Variants in USP39 observed in about 807,000 individuals in gnomAD.
USP39 encodes the protein ubiquitin specific peptidase 39, also known as ubiquitin carboxyl-terminal hydrolase 39.
A neutral mutation model predicts 66.4 loss-of-function variants in USP39; 38 were observed. The observed-to-expected ratio is 0.57, with a 90% confidence interval of 0.44 to 0.75. USP39 has a LOEUF of 0.75. USP39 is among the 30% of genes least tolerant of loss of function. The pLI is 0.00. For missense variants in USP39, 608 were observed against 714.4 expected, an observed-to-expected ratio of 0.85 and a Z score of 1.70; for synonymous variants, 303 against 274.6, an observed-to-expected ratio of 1.10 and a Z score of -1.02.
At chr2:85,625,712 T>C in intron 5 of USP39, 21 bp downstream of exon 5, 1 of 1,606,106 alleles carries the variant, frequency 6.2e-7, no homozygotes, top group Non-Finnish European at 8.5e-7. Flanking sequence ...GACGGGAACA[T>C]TGAGGAAGAG....
At chr2:85,630,987 T>A (rs1308726594) in intron 6 of USP39, 41 bp downstream of exon 6, 2 of 1,579,794 alleles carry the variant, frequency 1.3e-6, no homozygotes, top group Admixed American at 1.8e-5. Context: ...ACAAAACTAG[T>A]TTGATGAACA....
chr2:85,620,837 A>G (rs1349889331), intron 2 of USP39, among the ~76,000 whole-genome samples: 3 of 152,180 alleles, frequency 2.0e-5, no homozygotes, highest in Non-Finnish European at 2.9e-5. Flanking sequence ...CTATTTGAGA[A>G]TAAATCTCTT....
At position 85,623,703 on chromosome 2, in the gene USP39, T is replaced by C; in HGVS notation, c.491T>C (p.Phe164Ser). Reference sequence around the variant, plus strand: ...AGTGTCCAGTTTAGCCACCATGTTTTCCTCAACCTCCACACCCTCAAGTTT... The same window carrying C: ...AGTGTCCAGTTTAGCCACCATGTTTCCCTCAACCTCCACACCCTCAAGTTT... ...IHSVQFSHHVFLNLHTLKFYC... is the reference protein window; with the variant it reads ...IHSVQFSHHVSLNLHTLKFYC... The change falls in exon 4 of 13, where the codon TTC (phenylalanine) becomes TCC (serine). Residue 164 changes from phenylalanine (F) to serine (S), a missense_variant. Physicochemically the swap from Phe to Ser is radical, Grantham distance 155. Around this residue, in one of 6 missense-constraint regions of USP39, gnomAD observed 115 missense variants for 198.6 expected, o/e 0.58. Coordinates refer to ENST00000323701, the MANE Select transcript of USP39 (RefSeq NM_006590.4). The C allele has an allele frequency of 6.2e-7, 1 of 1,614,084 alleles. No individual in the cohort carries two copies. The highest frequency in any genetic ancestry group is 1.1e-5 in the South Asian group (1 of 91,042).
upstream of USP39, chr2:85,609,457 A>C (rs1573373325): frequency 1.2e-6 from 2 of 1,613,954 alleles, no homozygotes; most frequent in Non-Finnish European, 1.7e-6. Context: ...AACTGATGTG[A>C]CCTCTCCACT....
rs186473103 is a variant in USP39 at position 85,641,754 on chromosome 2, A to T, written c.1427+636A>T. On this transcript the variant is annotated intron_variant, in intron 10 of 12. Coordinates refer to ENST00000323701, the MANE Select transcript of USP39 (RefSeq NM_006590.4). ...CCATCTCTACAAAAAAATACAAAAA[A>T]TTAGCCAGATGTGGTGGTGCACACC... Among the ~76,000 whole-genome samples the T allele has an allele frequency of 6.2e-3, 947 of 151,996 alleles. 14 individuals carry two copies. Among genetic ancestry groups the T allele is most frequent in the African/African-American group, 0.022 (896 of 41,424 alleles).
At chr2:85,636,586 C>T (rs1289391436) in intron 7 of USP39, among the ~76,000 whole-genome samples, 1 of 152,142 alleles carries the variant, frequency 6.6e-6, no homozygotes, top group African/African-American at 2.4e-5. Context: ...TCACTGTAGC[C>T]TCCATCTCCC....
At chr2:85,648,083 C>G in intron 12 of USP39, 67 bp downstream of exon 12, 1 of 1,551,496 alleles carries the variant, frequency 6.4e-7, no homozygotes, top group Non-Finnish European at 8.9e-7. Context: ...AGGAGTGGGC[C>G]AAGGCAGGAA....
chr2:85,616,220 T>A lies in USP39; in HGVS notation c.25T>A (p.Ser9Thr). 6.9e-7 allele frequency: 1 copy of A among 1,453,584 alleles called. No individual in the cohort carries two copies. Among genetic ancestry groups the A allele is most frequent in the South Asian group, 1.4e-5 (1 of 70,248 alleles). The allele number at this position is 1,453,584 out of a possible 1,614,324, so 90.0% of individuals were successfully genotyped here. MSGRSKRE[S>T]RGSTRGKRES... ...GATGTCCGGCCGGTCTAAGCGGGAG[T>A]CTCGCGGTTCCACTCGCGGGAAGCG... The change falls in exon 1 of 13, where the codon TCT becomes ACT. Residue 9 changes from serine (S) to threonine (T), a missense_variant. Coordinates refer to ENST00000323701, the MANE Select transcript of USP39 (RefSeq NM_006590.4).
At chr2:85,611,401 A>G, upstream of USP39, 1 of 1,490,510 alleles carries the variant, frequency 6.7e-7, no homozygotes, top group Admixed American at 2.4e-5. Context: ...CCTTACTAAA[A>G]TACAGCACGG....
upstream of USP39, chr2:85,612,169 G>C (rs1168362123): frequency 2.2e-6 from 2 of 910,596 alleles, no homozygotes; most frequent in East Asian, 2.6e-5. Context: ...GTCGGGTGGA[G>C]TAGGGTATGC....
chr2:85,612,081 C>T (rs562692517), upstream of USP39: 17 of 1,057,582 alleles, frequency 1.6e-5, no homozygotes, highest in South Asian at 2.5e-4. Flanking sequence ...AGCTTCCGGC[C>T]CCGCATCCTG....
upstream of USP39, chr2:85,609,020 A>G: frequency 6.2e-7 from 1 of 1,614,244 alleles, no homozygotes; most frequent in Non-Finnish European, 8.5e-7. Flanking sequence ...GTGGATCCAG[A>G]GGCGTGTGTG....
upstream of USP39, among the ~76,000 whole-genome samples, chr2:85,615,460 T>C (rs948569653): frequency 6.6e-6 from 1 of 152,160 alleles, no homozygotes; most frequent in Admixed American, 6.5e-5. Context: ...TTACCGGGCA[T>C]TTGCGTTTTC....
intron 11 of USP39, among the ~76,000 whole-genome samples, chr2:85,647,442 G>A (rs982082532): frequency 6.6e-6 from 1 of 151,978 alleles, no homozygotes; most frequent in African/African-American, 2.4e-5. Context: ...AGGCTGAGGC[G>A]GGAGGATCTT....
chr2:85,637,470 C>G (rs764104079), intron 8 of USP39, 34 bp downstream of exon 8: 2 of 1,607,556 alleles, frequency 1.2e-6, no homozygotes, highest in Non-Finnish European at 1.7e-6. Flanking sequence ...TGGACTGATT[C>G]ATATTGCTTG....
Position 85,621,441 on chromosome 2 carries a change from C to T in USP39, c.339-44C>T, listed in dbSNP as rs559028148. 3 of 1,575,678 alleles carry T rather than the reference C, an allele frequency of 1.9e-6. No individual in the cohort carries two copies. The Admixed American group carries it at 5.0e-5, about 26-fold the overall frequency. The stretch of plus-strand genomic sequence containing the variant: ...AGCACTGCTTCATTTGCGTGCCTTC[C>T]TACATGTCCATCCTATTTATTTTTT... On this transcript the variant is annotated intron_variant, in intron 2 of 12. Transcript: ENST00000323701.
At chr2:85,615,980 A>AT (rs1257165094), upstream of USP39, 4 of 872,750 alleles carry the variant, frequency 4.6e-6, no homozygotes. Flanking sequence ...CCGTCTCAGT[A>AT]AACTGTAAAC....
upstream of USP39, chr2:85,615,991 G>T: frequency 1.1e-6 from 1 of 909,026 alleles, no homozygotes; most frequent in Non-Finnish European, 1.3e-6. Context: ...AACTGTAAAC[G>T]ACAGTAGGCC....
chr2:85,639,478 G>A (rs1676067252), intron 9 of USP39, 87 bp downstream of exon 9: 1 of 1,365,924 alleles, frequency 7.3e-7, no homozygotes, highest in Non-Finnish European at 9.8e-7. Flanking sequence ...TTTCAAGACA[G>A]AGTTTTGCTC....
Sources: gnomAD v4.1 joint callset for allele counts (sites outside exome capture counted in the v4.1 genomes callset) on GRCh38, gnomAD v4.1.1 for gene constraint, gnomAD v4.1.1 regional missense constraint, MANE v1.5 for transcripts, NCBI Gene and HGNC (gene_info 2026-07-23, HGNC 2026-07-21) for gene names.